PDE3B: variants seen among roughly 807,000 people sequenced by gnomAD.
PDE3B encodes the protein cGMP-inhibited 3',5'-cyclic phosphodiesterase 3B.
PDE3B carries 66 observed loss-of-function variants against 116.8 expected under a neutral mutation model. The ratio of observed to expected loss-of-function variants is 0.56; its 90% CI spans 0.46 to 0.69. PDE3B has a LOEUF of 0.69. Ranked by LOEUF, PDE3B falls within the 30% of genes least tolerant of loss-of-function variation. PDE3B has a pLI of 0.00. For missense variants in PDE3B, 1,384 were observed against 1,368.1 expected, an observed-to-expected ratio of 1.01 and a Z score of -0.18; for synonymous variants, 595 against 533.6, an observed-to-expected ratio of 1.12 and a Z score of -1.59.
Position 14,832,801 on chromosome 11 carries a change from G to T in PDE3B, c.2174G>T (p.Arg725Leu). The T allele has an allele frequency of 6.6e-7, 1 of 1,522,066 alleles. No individual in the cohort carries two copies. 94.3% of individuals were successfully genotyped at this position (1,522,066 alleles called of 1,614,324 possible). Residue 725 changes from arginine (R) to leucine (L), a missense_variant, in exon 10 of 16, where the codon CGT (arginine) becomes CTT (leucine). By Grantham distance (102) the Arg-to-Leu change is moderately radical. Around this residue, in one of 2 missense-constraint regions of PDE3B, gnomAD observed 428 missense variants for 561.4 expected, o/e 0.76. Transcript: ENST00000282096. ...ACTCAACAATTTATGAACTATTTTC[G>T]TGCATTAGAAAATGGCTATCGAGAC... ...IPTQQFMNYF[R>L]ALENGYRDIP...
At chr11:14,738,535 T>G (rs1856665740) in intron 1 of PDE3B, among the ~76,000 whole-genome samples, 1 of 152,258 alleles carries the variant, frequency 6.6e-6, no homozygotes, top group African/African-American at 2.4e-5. Context: ...ATGGATAGAT[T>G]GCAAAAATTT....
At chr11:14,849,462 G>T (rs1170647155) in intron 12 of PDE3B, among the ~76,000 whole-genome samples, 1 of 152,136 alleles carries the variant, frequency 6.6e-6, no homozygotes, top group African/African-American at 2.4e-5. Flanking sequence ...AGAAGCAATG[G>T]CAACAAAAGC....
At chr11:14,738,742 G>A (rs892353502) in intron 1 of PDE3B, among the ~76,000 whole-genome samples, 2 of 152,164 alleles carry the variant, frequency 1.3e-5, no homozygotes, top group Non-Finnish European at 2.9e-5. Context: ...TAGGTCTTAC[G>A]CTTAAGTCTT....
intron 5 of PDE3B, among the ~76,000 whole-genome samples, chr11:14,815,151 T>C (rs1859284287): frequency 6.6e-6 from 1 of 151,942 alleles, no homozygotes; most frequent in South Asian, 2.1e-4. Flanking sequence ...AAAAGTCATA[T>C]AAAAAGAATT....
chr11:14,804,951 A>G (rs1858876236), intron 5 of PDE3B, among the ~76,000 whole-genome samples: 1 of 152,174 alleles, frequency 6.6e-6, no homozygotes, highest in African/African-American at 2.4e-5. Context: ...TTGAAGACAG[A>G]GAAATAGAAA....
chr11:14,691,385 A>ATT, intron 1 of PDE3B, among the ~76,000 whole-genome samples: 1 of 152,154 alleles, frequency 6.6e-6, no homozygotes, highest in East Asian at 1.9e-4. Flanking sequence ...ATCTTCCAGA[A>ATT]TTTTTTGACT....
intron 5 of PDE3B, among the ~76,000 whole-genome samples, chr11:14,811,150 T>C (rs1163500476): frequency 6.6e-6 from 1 of 152,162 alleles, no homozygotes; most frequent in Admixed American, 6.5e-5. Flanking sequence ...TTTCTTTTGC[T>C]GTGCAGAAGC....
chr11:14,757,175 G>A (rs1382917073), intron 1 of PDE3B, among the ~76,000 whole-genome samples: 1 of 151,806 alleles, frequency 6.6e-6, no homozygotes, highest in African/African-American at 2.4e-5. Flanking sequence ...GTGTATATGT[G>A]CCACATTTTC....
intron 1 of PDE3B, among the ~76,000 whole-genome samples, chr11:14,719,253 CAG>C (rs1444246936): frequency 2.0e-5 from 1 of 49,120 alleles, no homozygotes; most frequent in African/African-American, 7.6e-5. Flanking sequence ...AGACCAATAA[CAG>C]GAGCTGAAAT....
rs1488743606 is a variant in PDE3B, at chr11:14,644,787, G to C, written c.712G>C (p.Gly238Arg). 3 of 1,609,904 alleles carry C rather than the reference G, an allele frequency of 1.9e-6. No homozygotes were observed. The highest frequency in any genetic ancestry group is 2.7e-5 in the African/African-American group (2 of 74,968). ...CTGGTGGGTCTCCTTCACCAGCCTC[G>C]GGTCGCTGCCCTCCGCCCTCAGGCC... The part of the protein sequence containing the change: ...FVWWVSFTSL[G>R]SLPSALRPLL... Residue 238 changes from glycine to arginine, a missense_variant, in exon 1 of 16, where the codon GGG (glycine) becomes CGG (arginine). Physicochemically the swap from Gly to Arg is moderately radical, Grantham distance 125 (BLOSUM62 -2). Coordinates refer to ENST00000282096, the MANE Select transcript of PDE3B (RefSeq NM_000922.4).
intron 1 of PDE3B, among the ~76,000 whole-genome samples, chr11:14,667,525 C>A (rs1854207866): frequency 6.6e-6 from 1 of 151,752 alleles, no homozygotes; most frequent in African/African-American, 2.4e-5. Flanking sequence ...AGGATGAGTT[C>A]ATGGCCTTCG....
chr11:14,685,942 A>T, intron 1 of PDE3B, among the ~76,000 whole-genome samples: 1 of 152,152 alleles, frequency 6.6e-6, no homozygotes, highest in South Asian at 2.1e-4. Context: ...GATTCTACCT[A>T]TGCCACAGGT....
At chr11:14,882,462 G>A in the PDE3B span, among the ~76,000 whole-genome samples, 1,666 of 152,190 alleles carry the variant, frequency 0.011, 28 homozygotes, top group African/African-American at 0.038. Context: ...AGAAATATGT[G>A]CACATGGGAT....
chr11:14,773,400 A>G (rs1857698653), intron 2 of PDE3B: 1 of 151,966 alleles, frequency 6.6e-6, no homozygotes, highest in Non-Finnish European at 1.5e-5. Context: ...TTTATGAGAG[A>G]GTGTTGGCCT....
intron 4 of PDE3B, among the ~76,000 whole-genome samples, chr11:14,794,843 G>A (rs1858503430): frequency 6.6e-6 from 1 of 152,154 alleles, no homozygotes; most frequent in Non-Finnish European, 1.5e-5. Context: ...ATGTTTACTG[G>A]CTTATTACAA....
chr11:14,870,813 T>C lies in PDE3B; in HGVS notation c.*1153T>C, dbSNP rs1424296870. ...AACAAGTAAAGAACTGGAATACTTA[T>C]TTTTCATATAAAAATCTAAATGTGT... On this transcript the variant is annotated 3_prime_UTR_variant, in exon 16 of 16. Coordinates refer to ENST00000282096, the MANE Select transcript of PDE3B (RefSeq NM_000922.4). This position sits in a 1 kb window ranked among gnomAD's most constrained non-coding sequence, Gnocchi z 4.1. 6.6e-6 allele frequency: 1 copy of C among 152,170 alleles called. No homozygotes were observed. Among genetic ancestry groups the C allele is most frequent in the Non-Finnish European group, 1.5e-5 (1 of 68,008 alleles). The allele number at this position is 152,170 out of a possible 1,614,324, so 9.4% of individuals were successfully genotyped here.
At chr11:14,754,600 G>A (rs765860186) in intron 1 of PDE3B, among the ~76,000 whole-genome samples, 1 of 151,994 alleles carries the variant, frequency 6.6e-6, no homozygotes, top group Non-Finnish European at 1.5e-5. Context: ...ATATGACAAC[G>A]TTTTGTTAAA....
intron 11 of PDE3B, among the ~76,000 whole-genome samples, chr11:14,841,345 C>CTATA (rs1186245385): frequency 6.9e-6 from 1 of 145,620 alleles, no homozygotes; most frequent in Non-Finnish European, 1.5e-5. Context: ...CTCTCTCTCT[C>CTATA]TCTATATATA....
In PDE3B at chr11:14,843,928, G is replaced by A. The variant is rs1847529388; in HGVS notation, c.2422G>A (p.Ala808Thr). The A allele has an allele frequency of 6.2e-7, 1 of 1,614,008 alleles. No homozygotes were observed. Among genetic ancestry groups the A allele is most frequent in the Non-Finnish European group, 8.5e-7 (1 of 1,179,900 alleles). Residue 808 changes from alanine to threonine, a missense_variant, in exon 12 of 16, where the codon GCA (alanine) becomes ACA (threonine). This residue lies in a region of PDE3B where 428 missense variants were observed against 561.4 expected (regional missense o/e 0.76). Coordinates refer to ENST00000282096, the MANE Select transcript of PDE3B (RefSeq NM_000922.4). ...SYGCLSSNIPALELMALYVAA... is the reference protein window; with the variant it reads ...SYGCLSSNIPTLELMALYVAA... ...TGGCTGCCTGTCTTCAAACATTCCT[G>A]CATTAGAATTGATGGCTCTATACGT...
Sources: gnomAD v4.1 joint callset for allele counts (sites outside exome capture counted in the v4.1 genomes callset) on GRCh38, gnomAD v4.1.1 for gene constraint, gnomAD v4.1.1 regional missense constraint, Gnocchi (gnomAD v3.1) non-coding constraint, MANE v1.5 for transcripts, NCBI Gene and HGNC (gene_info 2026-07-23, HGNC 2026-07-21) for gene names.